Variants in POLN observed in about 807,000 individuals in gnomAD.
POLN encodes the protein DNA polymerase N.
POLN carries 108 observed loss-of-function variants against 113.5 expected under a neutral mutation model. The ratio of observed to expected loss-of-function variants is 0.95; its 90% CI spans 0.81 to 1.12. The LOEUF is 1.12. POLN is among the 50% of genes most tolerant of loss of function. The probability of loss-of-function intolerance (pLI) is 0.00; values close to 1 mark genes in which losing one functional copy is unlikely to be tolerated. For missense variants in POLN, 1,097 were observed against 1,077.1 expected (o/e 1.02, Z -0.26); for synonymous variants, 386 against 391.5 (o/e 0.99, Z 0.17).
chr4:2,079,795 G>A (rs1455952723), intron 23 of POLN: 1 of 891,484 alleles, frequency 1.1e-6, no homozygotes, highest in Non-Finnish European at 1.3e-6. Flanking sequence ...CTGTTGGCCA[G>A]GTTGGTCTCA....
chr4:2,100,206 A>C (rs2108703951), intron 19 of POLN, among the ~76,000 whole-genome samples: 1 of 152,328 alleles, frequency 6.6e-6, no homozygotes, highest in South Asian at 2.1e-4. Context: ...GCCCACAAGT[A>C]AGTCTAGTGG....
intron 19 of POLN, among the ~76,000 whole-genome samples, chr4:2,115,408 T>G (rs1261517549): frequency 6.6e-6 from 1 of 151,996 alleles, no homozygotes; most frequent in African/African-American, 2.4e-5. Context: ...CCAATCTATT[T>G]GATTCCCCTA....
intron 2 of POLN, among the ~76,000 whole-genome samples, chr4:2,234,671 G>C (rs995950559): frequency 6.6e-6 from 1 of 152,014 alleles, no homozygotes; most frequent in East Asian, 1.9e-4. Flanking sequence ...ACATTACTAA[G>C]CAAAAGAAAA....
intron 7 of POLN, 43 bp downstream of exon 7, chr4:2,193,161 G>A: frequency 7.0e-7 from 1 of 1,419,982 alleles, no homozygotes; most frequent in Non-Finnish European, 9.8e-7. Flanking sequence ...AGGAGTCACA[G>A]TTGAAGAGTT....
At chr4:2,125,865 C>A (rs1731565193) in intron 19 of POLN, among the ~76,000 whole-genome samples, 2 of 152,126 alleles carry the variant, frequency 1.3e-5, no homozygotes, top group Admixed American at 6.5e-5. Flanking sequence ...AGGCCACTGG[C>A]AGAGCTGTGA....
Sources: gnomAD v4.1 joint callset for allele counts (sites outside exome capture counted in the v4.1 genomes callset) on GRCh38, gnomAD v4.1.1 for gene constraint, MANE v1.5 for transcripts, NCBI Gene and HGNC (gene_info 2026-07-23, HGNC 2026-07-21) for gene names.